ZNF529: variants seen among roughly 807,000 people sequenced by gnomAD.
ZNF529 encodes zinc finger protein 529.
Under a neutral mutation model 10.1 loss-of-function variants are expected in ZNF529, and 11 were observed. The ratio of observed to expected loss-of-function variants is 1.09; its 90% confidence interval spans 0.69 to 1.81. ZNF529 has a LOEUF of 1.81. Among genes scored for constraint, ZNF529 ranks in the 40% most tolerant of loss-of-function variants. The pLI, the probability that ZNF529 is intolerant of heterozygous loss-of-function variation, is 0.00. For synonymous variants in ZNF529, 204 were observed against 215.7 expected (o/e 0.95, Z 0.47); for missense variants, 624 against 666.8 (o/e 0.94, Z 0.71).
At chr19:36,599,479 G>T (rs1381299466) in intron 1 of ZNF529, among the ~76,000 whole-genome samples, 1 of 152,104 alleles carries the variant, frequency 6.6e-6, no homozygotes, top group African/African-American at 2.4e-5. Context: ...CAAGCTAAGA[G>T]TAGAGAGGTC....
At chr19:36,590,046 A>G (rs2036670020) in intron 1 of ZNF529, among the ~76,000 whole-genome samples, 1 of 152,210 alleles carries the variant, frequency 6.6e-6, no homozygotes, top group Non-Finnish European at 1.5e-5. Flanking sequence ...AAATAGTTTG[A>G]ACTAACTGAT....
Position 36,591,376 on chromosome 19 carries a change from T to TA in ZNF529, c.-127-1676dup, listed in dbSNP as rs559069629. 3.5e-3 allele frequency among the ~76,000 whole-genome samples: 520 copies of TA among 149,260 alleles called. 4 individuals are homozygous for TA. Among genetic ancestry groups the TA allele is most frequent in the Non-Finnish European group, 4.9e-3 (327 of 67,192 alleles). On this transcript the variant is annotated intron_variant, in intron 1 of 4. Coordinates refer to the ZNF529 transcript ENST00000585960. ...ATTCAGATGAAATGGACAAAATTTC[T>TA]AAAAAAAAATATATAACTTACTGAA...
At chr19:36,602,295 C>T (rs766440601) in intron 1 of ZNF529, among the ~76,000 whole-genome samples, 2 of 152,144 alleles carry the variant, frequency 1.3e-5, no homozygotes, top group Non-Finnish European at 2.9e-5. Flanking sequence ...ATCCACCCAC[C>T]TTGACCTCCC....
Position 36,554,727 on chromosome 19 carries a change from G to A in ZNF529, c.178C>T (p.Gln60Ter), listed in dbSNP as rs991250691. Residue 60 changes from glutamine (Q) to a stop codon, truncating the protein, a stop_gained, in exon 4 of 5, where the codon CAG becomes TAG. Transcript: ENST00000591340. LOFTEE classifies it high-confidence loss of function. ...ATCACATCCCAGTACAAGTTCCTCT[G>A]AGCAGAATCCAGATATTCCCATTCC... Reference protein sequence around the residue: ...QEEWEYLDSAQRNLYWDVMME... With the variant: ...QEEWEYLDSA 1.9e-6 allele frequency: 3 copies of A among 1,578,068 alleles called. No homozygotes were observed. The highest frequency in any genetic ancestry group is 2.6e-6 in the Non-Finnish European group (3 of 1,160,930).
chr19:36,562,833 GAAA>G (rs35402563), intron 2 of ZNF529, among the ~76,000 whole-genome samples: 4 of 118,438 alleles, frequency 3.4e-5, no homozygotes, highest in Non-Finnish European at 3.6e-5. Context: ...TCTGTCTCCA[GAAA>G]AAAAAAAAAA....
At chr19:36,574,431 T>TATA (rs1253783541), upstream of ZNF529, among the ~76,000 whole-genome samples, 1 of 151,994 alleles carries the variant, frequency 6.6e-6, no homozygotes, top group Non-Finnish European at 1.5e-5. Flanking sequence ...TGGAGGAGGG[T>TATA]ATAATGAAGC....
intron 1 of ZNF529, among the ~76,000 whole-genome samples, chr19:36,590,273 G>A (rs546459745): frequency 1.7e-4 from 26 of 152,290 alleles, no homozygotes; most frequent in African/African-American, 6.3e-4. Flanking sequence ...TATGTGGGAG[G>A]CTGAGGCAGA....
chr19:36,548,046 T>TA lies in ZNF529; in HGVS notation c.511dup (p.Tyr171LeufsTer2). 6.2e-7 allele frequency: 1 copy of TA among 1,613,946 alleles called. No homozygotes were observed. The highest frequency in any genetic ancestry group is 1.7e-4 in the Middle Eastern group (1 of 6,058). Reference sequence around the variant, plus strand: ...GACCTTCTCATATTCCTTGTATTCATAGGGCTTCTCACTGTCATGAGTTCT... The same window carrying TA: ...GACCTTCTCATATTCCTTGTATTCATAAGGGCTTCTCACTGTCATGAGTTCT... On this transcript the variant is annotated frameshift_variant, in exon 5 of 5. Transcript: ENST00000591340. LOFTEE classifies it low-confidence loss of function (END_TRUNC).
At chr19:36,550,178 G>A (rs1350072883) in intron 4 of ZNF529, among the ~76,000 whole-genome samples, 1 of 152,160 alleles carries the variant, frequency 6.6e-6, no homozygotes, top group Non-Finnish European at 1.5e-5. Flanking sequence ...AATATCTGAC[G>A]ACAACATTAA....
chr19:36,589,665 G>C (rs1036841852), exon 2 of ZNF529: 4 of 151,610 alleles, frequency 2.6e-5, no homozygotes, highest in African/African-American at 9.7e-5. Flanking sequence ...CCTTACTGTA[G>C]TCCTGGTGTT....
chr19:36,603,408 A>G (rs898451431), intron 1 of ZNF529, among the ~76,000 whole-genome samples: 1 of 152,224 alleles, frequency 6.6e-6, no homozygotes, highest in Non-Finnish European at 1.5e-5. Context: ...GAAGAGAAGG[A>G]CTAGAGACCA....
At chr19:36,569,539 CA>C (rs1196501853) in intron 2 of ZNF529, among the ~76,000 whole-genome samples, 3 of 151,760 alleles carry the variant, frequency 2.0e-5, no homozygotes, top group Non-Finnish European at 4.4e-5. Context: ...CTGAGGCGGG[CA>C]AACAACACGA....
In ZNF529 at chr19:36,562,934, A is replaced by T. The variant is rs113764142; in HGVS notation, c.15-6737T>A. Among the ~76,000 whole-genome samples, 494 of 152,146 alleles carry T rather than the reference A, an allele frequency of 3.2e-3. 2 individuals carry two copies. Among genetic ancestry groups the T allele is most frequent in the African/African-American group, 0.012 (478 of 41,524 alleles). On this transcript the variant is annotated intron_variant, in intron 2 of 4. Transcript: ENST00000591340. ...CCTTCATAAAAGAGGCTCAATGCAG[A>T]CTTCCTTGTCCTCCCTTTTGCACGT... is the stretch of plus-strand genomic sequence containing the variant.
At chr19:36,582,723 A>G (rs1272833668) in intron 2 of ZNF529, 1 of 151,968 alleles carries the variant, frequency 6.6e-6, no homozygotes, top group Non-Finnish European at 1.5e-5. Context: ...AAAAAAAAAA[A>G]AAAAGATGAG....
chr19:36,576,958 C>CTTTTTTTTTTTTT (rs759716467), upstream of ZNF529, among the ~76,000 whole-genome samples: 2 of 136,042 alleles, frequency 1.5e-5, no homozygotes, highest in Non-Finnish European at 1.6e-5. Flanking sequence ...TTTCTTTTTT[C>CTTTTTTTTTTTTT]TTTTTTTTTT....
intron 2 of ZNF529, among the ~76,000 whole-genome samples, chr19:36,571,958 T>TTTGTC: frequency 1.3e-5 from 2 of 150,864 alleles, no homozygotes; most frequent in South Asian, 4.2e-4. Flanking sequence ...CAAAGCCAAC[T>TTTGTC]TTGTCACTTA....
chr19:36,593,501 T>G (rs1373633536), intron 1 of ZNF529, among the ~76,000 whole-genome samples: 2 of 152,282 alleles, frequency 1.3e-5, no homozygotes, highest in South Asian at 2.1e-4. Context: ...GAAATCAGCT[T>G]CTTTTAATCA....
At chr19:36,565,876 T>C (rs2145832183) in intron 2 of ZNF529, among the ~76,000 whole-genome samples, 1 of 152,242 alleles carries the variant, frequency 6.6e-6, no homozygotes, top group Non-Finnish European at 1.5e-5. Context: ...AAAAATGTAA[T>C]CTGTGACAAA....
intron 1 of ZNF529, among the ~76,000 whole-genome samples, chr19:36,595,980 G>A (rs777293502): frequency 6.7e-6 from 1 of 149,698 alleles, no homozygotes; most frequent in African/African-American, 2.5e-5. Flanking sequence ...ACTGAAAGGT[G>A]TGCTAAAATC....
Sources: gnomAD v4.1 joint callset for allele counts (sites outside exome capture counted in the v4.1 genomes callset) on GRCh38, gnomAD v4.1.1 for gene constraint, MANE v1.5 for transcripts, NCBI Gene and HGNC (gene_info 2026-07-23, HGNC 2026-07-21) for gene names.